Variants in TRIM44 observed in about 807,000 individuals in gnomAD.
The protein encoded by TRIM44 is tripartite motif containing 44.
Under a neutral mutation model 37.4 loss-of-function variants are expected in TRIM44, and 13 were observed. That is an observed-to-expected ratio of 0.35 (90% CI 0.23 to 0.55). The LOEUF is 0.55. TRIM44 is among the 20% of genes least tolerant of loss of function. The pLI is 0.89. For missense variants in TRIM44, 426 were observed against 437.2 expected, an observed-to-expected ratio of 0.97 and a Z score of 0.23; for synonymous variants, 175 against 157.2, an observed-to-expected ratio of 1.11 and a Z score of -0.85.
At chr11:35,745,807 A>G (rs1490894935) in intron 4 of TRIM44, among the ~76,000 whole-genome samples, 1 of 152,150 alleles carries the variant, frequency 6.6e-6, no homozygotes, top group Non-Finnish European at 1.5e-5. Flanking sequence ...TAAGGTGCAC[A>G]TCTTTGAGAT....
intron 4 of TRIM44, 65 bp downstream of exon 4, chr11:35,735,510 G>A (rs1171003757): frequency 2.7e-5 from 41 of 1,523,438 alleles, no homozygotes; most frequent in Non-Finnish European, 3.6e-5. Flanking sequence ...TGGCCTTTTA[G>A]TGCTCCATGA....
intron 4 of TRIM44, among the ~76,000 whole-genome samples, chr11:35,742,486 T>TACA (rs1197818504): frequency 2.2e-5 from 3 of 135,848 alleles, no homozygotes; most frequent in African/African-American, 5.5e-5. Context: ...ATATTAATTG[T>TACA]ATTATATATA....
intron 1 of TRIM44, among the ~76,000 whole-genome samples, chr11:35,669,748 G>C (rs1232209475): frequency 8.6e-5 from 13 of 152,020 alleles, no homozygotes; most frequent in Admixed American, 8.5e-4. Flanking sequence ...CAAAGTGCTG[G>C]GATTATAGGC....
At chr11:35,707,478 A>C (rs1187803870) in intron 2 of TRIM44, among the ~76,000 whole-genome samples, 1 of 152,216 alleles carries the variant, frequency 6.6e-6, no homozygotes, top group Non-Finnish European at 1.5e-5. Flanking sequence ...CCAAAAGGAA[A>C]AGCTGGAGGT....
In TRIM44 at chr11:35,807,928, G is replaced by A. The variant is rs6709; in HGVS notation, c.*1543G>A. The A allele has an allele frequency of 0.15, 23,534 of 152,138 alleles. 2,075 individuals are homozygous for A. The highest frequency in any genetic ancestry group is 0.29 in the Admixed American group (4,471 of 15,276). 9.4% of individuals were successfully genotyped at this position (152,138 alleles called of 1,614,324 possible). ...AGAACCAAAGGAGCCTGCACTGGGGGAAATCCCTTTTCCTGCCTGCCTGTC... is the reference window on the plus strand; with the variant it reads ...AGAACCAAAGGAGCCTGCACTGGGGAAAATCCCTTTTCCTGCCTGCCTGTC... On this transcript the variant is annotated 3_prime_UTR_variant, in exon 5 of 5. Transcript: ENST00000299413.
At chr11:35,666,334 C>CT (rs1474258789) in intron 1 of TRIM44, among the ~76,000 whole-genome samples, 2 of 152,140 alleles carry the variant, frequency 1.3e-5, no homozygotes, top group Non-Finnish European at 2.9e-5. Flanking sequence ...AAAGCAGGTC[C>CT]TTCCATCTTG....
intron 4 of TRIM44, among the ~76,000 whole-genome samples, chr11:35,786,987 C>T (rs984797896): frequency 6.6e-6 from 1 of 152,114 alleles, no homozygotes; most frequent in African/African-American, 2.4e-5. Context: ...AGTATTCTTT[C>T]GCCTCCCTTT....
Position 35,810,855 on chromosome 11 carries a change from G to C in TRIM44, c.*4470G>C, listed in dbSNP as rs1036198460. 2.6e-5 allele frequency: 4 copies of C among 152,112 alleles called. No homozygotes were observed. The highest frequency in any genetic ancestry group is 9.7e-5 in the African/African-American group (4 of 41,420). The allele number at this position is 152,112 out of a possible 1,614,324, so 9.4% of individuals were successfully genotyped here. ...GTGCACAGTCACATTCCCTCCTTAG[G>C]AATCTTCCCCTTCCACCCTTTACAT... On this transcript the variant is annotated 3_prime_UTR_variant, in exon 5 of 5. Transcript: ENST00000299413.
chr11:35,692,099 A>T (rs1053547193), intron 2 of TRIM44, among the ~76,000 whole-genome samples: 6 of 152,208 alleles, frequency 3.9e-5, no homozygotes, highest in Non-Finnish European at 5.9e-5. Flanking sequence ...TTCAGTAGAA[A>T]AATGTAGAAG....
At position 35,663,459 on chromosome 11, in the gene TRIM44, G is replaced by A. The variant is rs1291933564; in HGVS notation, c.348G>A (p.Glu116=). The A allele has an allele frequency of 7.0e-6, 11 of 1,565,132 alleles. No individual in the cohort carries two copies. Among genetic ancestry groups the A allele is most frequent in the Admixed American group, 1.9e-5 (1 of 51,824 alleles). ...AGGAAGAGAGCGAGACAGAGGAAGA[G>A]AGTGAGGATGAGAGCGATGAGGAGA... ...ESEEESETEE[E]SEDESDEESE... The change falls in exon 1 of 5, where the codon GAG becomes GAA. Residue 116 remains glutamate, a synonymous_variant. Transcript: ENST00000299413.
chr11:35,665,165 G>T (rs1469895581), intron 1 of TRIM44, among the ~76,000 whole-genome samples: 1 of 151,136 alleles, frequency 6.6e-6, no homozygotes, highest in Non-Finnish European at 1.5e-5. Flanking sequence ...GGGAGCGTCG[G>T]GCTGTTACAA....
intron 3 of TRIM44, among the ~76,000 whole-genome samples, chr11:35,730,640 G>C (rs1307817705): frequency 1.3e-5 from 2 of 152,088 alleles, no homozygotes; most frequent in Non-Finnish European, 2.9e-5. Context: ...CAGTATGAAT[G>C]AACATATGTC....
chr11:35,730,176 A>G (rs1431434724), intron 3 of TRIM44, among the ~76,000 whole-genome samples: 2 of 152,218 alleles, frequency 1.3e-5, no homozygotes, highest in Non-Finnish European at 2.9e-5. Context: ...AAAAGTACCA[A>G]ATGAAAATTT....
intron 1 of TRIM44, among the ~76,000 whole-genome samples, chr11:35,671,993 C>T (rs1045633129): frequency 1.1e-4 from 16 of 152,106 alleles, no homozygotes; most frequent in African/African-American, 3.6e-4. Context: ...TTTCTATCTA[C>T]GAAAATGGGT....
chr11:35,731,019 C>T (rs960700335), intron 3 of TRIM44, among the ~76,000 whole-genome samples: 1 of 151,942 alleles, frequency 6.6e-6, no homozygotes, highest in African/African-American at 2.4e-5. Context: ...TCTATATCAG[C>T]AATTATGCCA....
chr11:35,666,927 G>A (rs868038273), intron 1 of TRIM44, among the ~76,000 whole-genome samples: 6 of 152,104 alleles, frequency 3.9e-5, no homozygotes, highest in Admixed American at 2.0e-4. Flanking sequence ...TGTGAAGAGA[G>A]ATACTTTTTG....
chr11:35,778,436 A>C (rs1036369616), intron 4 of TRIM44, among the ~76,000 whole-genome samples: 2 of 151,912 alleles, frequency 1.3e-5, no homozygotes, highest in African/African-American at 4.8e-5. Flanking sequence ...TGTTATTACC[A>C]ATCGTCTGAA....
chr11:35,794,069 G>A (rs2092876583), intron 4 of TRIM44, among the ~76,000 whole-genome samples: 1 of 152,172 alleles, frequency 6.6e-6, no homozygotes, highest in Admixed American at 6.6e-5. Context: ...GCTAATGCAT[G>A]CTGGAATGGG....
intron 4 of TRIM44, among the ~76,000 whole-genome samples, chr11:35,741,633 A>G (rs973829129): frequency 6.6e-6 from 1 of 152,188 alleles, no homozygotes; most frequent in Non-Finnish European, 1.5e-5. Flanking sequence ...ACTCTAATCA[A>G]TTTGTTTGCC....
Sources: allele counts gnomAD v4.1 joint callset (sites outside exome capture counted in the v4.1 genomes callset), GRCh38; gene constraint gnomAD v4.1.1; transcripts MANE v1.5; gene names NCBI Gene and HGNC (gene_info 2026-07-23, HGNC 2026-07-21).